KCTD16: variants seen among roughly 807,000 people sequenced by gnomAD.
KCTD16 encodes potassium channel tetramerization domain containing 16, also known as BTB/POZ domain-containing protein KCTD16.
A neutral mutation model predicts 33.2 loss-of-function variants in KCTD16; 13 were observed. That is an observed-to-expected ratio of 0.39 (90% CI 0.25 to 0.62). The LOEUF is 0.62. KCTD16 is among the 20% of genes least tolerant of loss of function. KCTD16 has a pLI of 0.50. For missense variants in KCTD16, 441 were observed against 525.1 expected, an observed-to-expected ratio of 0.84 and a Z score of 1.57; for synonymous variants, 197 against 195.3, an observed-to-expected ratio of 1.01 and a Z score of -0.07.
At chr5:144,235,668 T>C (rs1754231018) in intron 3 of KCTD16, among the ~76,000 whole-genome samples, 1 of 152,080 alleles carries the variant, frequency 6.6e-6, no homozygotes, top group Admixed American at 6.6e-5. Flanking sequence ...TTATTACTAG[T>C]ATAGAAATGA....
In KCTD16 at chr5:144,235,229, A is replaced by G. The variant is rs142333470; in HGVS notation, c.832+27683A>G. Among the ~76,000 whole-genome samples, 49 of 152,192 alleles carry G rather than the reference A, an allele frequency of 3.2e-4. No homozygotes were observed. The East Asian group carries it at 5.0e-3, about 16-fold the overall frequency. On this transcript the variant is annotated intron_variant, in intron 3 of 3. Coordinates refer to ENST00000512467, the MANE Select transcript of KCTD16 (RefSeq NM_020768.4). Reference sequence around the variant, plus strand: ...AGTGATTTCAGCCTTTAACAATCCAATCCTTTAGAGATTGATACTCATTAA... The same window carrying G: ...AGTGATTTCAGCCTTTAACAATCCAGTCCTTTAGAGATTGATACTCATTAA...
At chr5:144,360,728 C>T (rs1280083294) in intron 3 of KCTD16, among the ~76,000 whole-genome samples, 1 of 152,140 alleles carries the variant, frequency 6.6e-6, no homozygotes, top group East Asian at 1.9e-4. Flanking sequence ...CAGCGCCCAG[C>T]CAAACTCATC....
intron 3 of KCTD16, among the ~76,000 whole-genome samples, chr5:144,251,926 C>T (rs1043803991): frequency 6.6e-6 from 1 of 152,050 alleles, no homozygotes; most frequent in African/African-American, 2.4e-5. Context: ...GACAACCATC[C>T]CATTTATCAT....
chr5:144,276,230 T>A (rs868557766), intron 3 of KCTD16, among the ~76,000 whole-genome samples: 15 of 152,214 alleles, frequency 9.9e-5, no homozygotes, highest in African/African-American at 3.6e-4. Flanking sequence ...TGTGTGTTTT[T>A]TTGTAAAAAG....
chr5:144,392,505 T>C (rs1398380825), intron 3 of KCTD16, among the ~76,000 whole-genome samples: 1 of 152,218 alleles, frequency 6.6e-6, no homozygotes, highest in African/African-American at 2.4e-5. Context: ...CTGGATGCTG[T>C]GTGACCAGAT....
chr5:144,429,883 A>G (rs781547190), intron 3 of KCTD16, among the ~76,000 whole-genome samples: 16 of 151,946 alleles, frequency 1.1e-4, no homozygotes, highest in Non-Finnish European at 1.5e-4. Flanking sequence ...TTTAAATCTA[A>G]AGACCAAAGC....
chr5:144,352,439 C>G (rs1460671346), intron 3 of KCTD16, among the ~76,000 whole-genome samples: 1 of 152,154 alleles, frequency 6.6e-6, no homozygotes, highest in African/African-American at 2.4e-5. Flanking sequence ...AATACTCCTC[C>G]CACCCCAAAC....
intron 3 of KCTD16, among the ~76,000 whole-genome samples, chr5:144,442,297 C>A (rs979619673): frequency 6.6e-6 from 1 of 152,058 alleles, no homozygotes; most frequent in African/African-American, 2.4e-5. Flanking sequence ...TGTCCTAAAT[C>A]TTTTCTCTTA....
At chr5:144,332,513 C>T (rs1465100600) in intron 3 of KCTD16, among the ~76,000 whole-genome samples, 2 of 152,154 alleles carry the variant, frequency 1.3e-5, no homozygotes, top group Non-Finnish European at 2.9e-5. Context: ...CCAGGGACAA[C>T]ATGCCCAACA....
chr5:144,225,338 CT>C (rs1753897366), intron 3 of KCTD16, among the ~76,000 whole-genome samples: 1 of 152,020 alleles, frequency 6.6e-6, no homozygotes, highest in South Asian at 2.1e-4. Context: ...ACAATCTGTC[CT>C]CAGTTACCCA....
At chr5:144,438,372 C>T (rs1395631850) in intron 3 of KCTD16, among the ~76,000 whole-genome samples, 1 of 152,226 alleles carries the variant, frequency 6.6e-6, no homozygotes, top group Non-Finnish European at 1.5e-5. Context: ...TTCAGGCCTG[C>T]CTGTATCCAG....
intron 3 of KCTD16, among the ~76,000 whole-genome samples, chr5:144,285,534 A>G (rs950825696): frequency 6.6e-6 from 1 of 152,216 alleles, no homozygotes; most frequent in Non-Finnish European, 1.5e-5. Context: ...TATGCTCCAG[A>G]TATCAATATG....
At position 144,237,190 on chromosome 5, in the gene KCTD16, C is replaced by T. The variant is rs1021809245; in HGVS notation, c.832+29644C>T. 1.7e-4 allele frequency among the ~76,000 whole-genome samples: 26 copies of T among 152,124 alleles called. 1 individual carries two copies. In the East Asian group the frequency reaches 4.5e-3, roughly 26 times the overall value. ...GCTTGTGGCTTTGCCAGTTACATGCCTCTATTTGCTCTTAACCTATGGTGA... is the reference window on the plus strand; with the variant it reads ...GCTTGTGGCTTTGCCAGTTACATGCTTCTATTTGCTCTTAACCTATGGTGA... On this transcript the variant is annotated intron_variant, in intron 3 of 3. Coordinates refer to ENST00000512467, the MANE Select transcript of KCTD16 (RefSeq NM_020768.4).
intron 3 of KCTD16, among the ~76,000 whole-genome samples, chr5:144,283,811 C>T (rs1755670104): frequency 6.6e-6 from 1 of 152,142 alleles, no homozygotes; most frequent in South Asian, 2.1e-4. Flanking sequence ...CAAATAAGGA[C>T]TTTCATTACC....
intron 3 of KCTD16, among the ~76,000 whole-genome samples, chr5:144,258,847 T>C (rs1212581520): frequency 6.6e-6 from 1 of 152,178 alleles, no homozygotes; most frequent in Non-Finnish European, 1.5e-5. Context: ...CTTCATTTGC[T>C]TACCTGCAGA....
intron 3 of KCTD16, among the ~76,000 whole-genome samples, chr5:144,393,557 TAGAGAG>T (rs542496682): frequency 1.0e-3 from 154 of 152,110 alleles, no homozygotes; most frequent in Non-Finnish European, 1.6e-3. Context: ...TGTATATATA[TAGAGAG>T]AGAGTGTGAG....
At chr5:144,351,893 G>A (rs182673539) in intron 3 of KCTD16, among the ~76,000 whole-genome samples, 1 of 152,216 alleles carries the variant, frequency 6.6e-6, no homozygotes, top group African/African-American at 2.4e-5. Flanking sequence ...GTGGGGAACT[G>A]GAAAGATATT....
intron 3 of KCTD16, among the ~76,000 whole-genome samples, chr5:144,276,590 G>T (rs1258293416): frequency 6.6e-6 from 1 of 152,162 alleles, no homozygotes; most frequent in Non-Finnish European, 1.5e-5. Flanking sequence ...TTACTGAAAA[G>T]AAAGGTTTCA....
chr5:144,345,921 T>TCAA, intron 3 of KCTD16, among the ~76,000 whole-genome samples: 1 of 151,960 alleles, frequency 6.6e-6, no homozygotes, highest in African/African-American at 2.4e-5. Flanking sequence ...AGTAAACCTA[T>TCAA]TATGCTATCA....
Sources: gnomAD v4.1 joint callset for allele counts (sites outside exome capture counted in the v4.1 genomes callset) on GRCh38, gnomAD v4.1.1 for gene constraint, MANE v1.5 for transcripts, NCBI Gene and HGNC (gene_info 2026-07-23, HGNC 2026-07-21) for gene names.